LTBP1: variants seen among roughly 807,000 people sequenced by gnomAD.
LTBP1 encodes the protein latent-transforming growth factor beta-binding protein 1.
A neutral mutation model predicts 207.6 loss-of-function variants in LTBP1; 129 were observed. The ratio of observed to expected loss-of-function variants is 0.62; its 90% confidence interval spans 0.54 to 0.72. The LOEUF (loss-of-function observed/expected upper bound fraction) is 0.72. Among genes scored for constraint, LTBP1 ranks in the 30% least tolerant of loss-of-function variants. LTBP1 has a pLI of 0.00. For synonymous variants in LTBP1, 963 were observed against 833.7 expected (o/e 1.16, Z -2.67); for missense variants, 2,281 against 2,217.2 (o/e 1.03, Z -0.58).
At chr2:33,089,155 C>CAAAAAAAA (rs61009791) in intron 3 of LTBP1, among the ~76,000 whole-genome samples, 3 of 96,336 alleles carry the variant, frequency 3.1e-5, no homozygotes, top group African/African-American at 3.7e-5. Context: ...GACTCAGTCT[C>CAAAAAAAA]AAAAAAAAAA....
Position 33,188,847 on chromosome 2 carries a change from C to T in LTBP1, c.1697C>T (p.Ser566Leu). Residue 566 changes from serine to leucine, a missense_variant, in exon 7 of 34, where the codon TCA becomes TTA. Coordinates refer to ENST00000404816, the MANE Select transcript of LTBP1 (RefSeq NM_206943.4). ...CGGTGCTTCCAGGAAACCATTGGGT[C>T]ACAGGTAAACATCATCACCGAGCCT... ...LGRCFQETIG[S>L]QCGKALPGLS... is the part of the protein sequence containing the mutation. 1 of 1,613,876 alleles carries T rather than the reference C, an allele frequency of 6.2e-7. No individual in the cohort carries two copies. Among genetic ancestry groups the T allele is most frequent in the Non-Finnish European group, 8.5e-7 (1 of 1,179,864 alleles).
intron 3 of LTBP1, among the ~76,000 whole-genome samples, chr2:33,029,037 A>G (rs2075564420): frequency 1.3e-5 from 2 of 152,254 alleles, no homozygotes; most frequent in Admixed American, 6.5e-5. Flanking sequence ...AAACAGGGAC[A>G]TTCAGACAAA....
intron 2 of LTBP1, among the ~76,000 whole-genome samples, chr2:33,011,950 C>T (rs370053389): frequency 2.6e-5 from 4 of 152,074 alleles, no homozygotes; most frequent in Admixed American, 6.5e-5. Context: ...TTTCAGGTCT[C>T]CTGGTTAAAT....
chr2:33,071,498 C>G (rs2077785417), intron 3 of LTBP1, among the ~76,000 whole-genome samples: 2 of 152,150 alleles, frequency 1.3e-5, no homozygotes, highest in Non-Finnish European at 2.9e-5. Flanking sequence ...ATCTTAGAGG[C>G]TGCCTTGCAC....
chr2:33,394,237 C>T (rs1020023012), intron 32 of LTBP1, among the ~76,000 whole-genome samples: 6 of 152,106 alleles, frequency 3.9e-5, no homozygotes, highest in Non-Finnish European at 5.9e-5. Flanking sequence ...TTCTCCCATT[C>T]TGTAGGTTGC....
intron 3 of LTBP1, among the ~76,000 whole-genome samples, chr2:33,043,479 A>G (rs1191912289): frequency 6.6e-6 from 1 of 152,220 alleles, no homozygotes; most frequent in African/African-American, 2.4e-5. Flanking sequence ...AGAAGACAGT[A>G]GAGTGTAAGC....
chr2:33,304,229 A>G (rs573914529), intron 22 of LTBP1, among the ~76,000 whole-genome samples: 1 of 152,328 alleles, frequency 6.6e-6, no homozygotes, highest in African/African-American at 2.4e-5. Context: ...GGTTATAAAT[A>G]GGACTGGAGT....
At chr2:33,179,060 CTG>C (rs1354226245) in intron 5 of LTBP1, among the ~76,000 whole-genome samples, 1 of 51,312 alleles carries the variant, frequency 1.9e-5, no homozygotes, top group Non-Finnish European at 5.8e-5. Flanking sequence ...CTTTTATTTG[CTG>C]TTTTTAAAAA....
chr2:33,204,374 G>T lies in LTBP1; in HGVS notation c.1702-13178G>T, dbSNP rs966840463. ...TGTGAACAAGATTTGCCACCGTTGAGAATATTTAAAGTATGTCTCTAGCCT... is the reference window on the plus strand; with the variant it reads ...TGTGAACAAGATTTGCCACCGTTGATAATATTTAAAGTATGTCTCTAGCCT... On this transcript the variant is annotated intron_variant, in intron 7 of 33. Coordinates refer to ENST00000404816, the MANE Select transcript of LTBP1 (RefSeq NM_206943.4). Among the ~76,000 whole-genome samples the T allele has an allele frequency of 7.2e-5, 11 of 152,190 alleles. No individual in the cohort carries two copies. In the East Asian group the frequency reaches 2.1e-3, roughly 29 times the overall value.
chr2:33,062,878 G>A (rs2077336278), intron 3 of LTBP1, among the ~76,000 whole-genome samples: 1 of 152,206 alleles, frequency 6.6e-6, no homozygotes, highest in Non-Finnish European at 1.5e-5. Flanking sequence ...GTGGGACACA[G>A]CAGGACAGAT....
intron 3 of LTBP1, among the ~76,000 whole-genome samples, chr2:33,044,856 A>G (rs1354790787): frequency 6.6e-6 from 1 of 152,104 alleles, no homozygotes; most frequent in Non-Finnish European, 1.5e-5. Context: ...CATTTCTCTA[A>G]TGGCCAGTGA....
chr2:33,203,232 T>C (rs1431511724), intron 7 of LTBP1, among the ~76,000 whole-genome samples: 2 of 152,172 alleles, frequency 1.3e-5, no homozygotes, highest in African/African-American at 4.8e-5. Flanking sequence ...CTCTGCCAGA[T>C]TGACTTTCGC....
intron 3 of LTBP1, among the ~76,000 whole-genome samples, chr2:33,088,544 C>T (rs184604451): frequency 9.1e-4 from 139 of 152,224 alleles, no homozygotes; most frequent in African/African-American, 3.0e-3. Context: ...CACATGCTGA[C>T]GCCTGCATGT....
intron 3 of LTBP1, among the ~76,000 whole-genome samples, chr2:33,038,787 G>T (rs1222342110): frequency 1.3e-5 from 2 of 152,234 alleles, no homozygotes; most frequent in African/African-American, 4.8e-5. Context: ...GAAAGACTCA[G>T]ATGTTCTTTT....
intron 31 of LTBP1, among the ~76,000 whole-genome samples, chr2:33,385,240 C>T (rs2095255740): frequency 6.6e-6 from 1 of 152,202 alleles, no homozygotes; most frequent in South Asian, 2.1e-4. Flanking sequence ...TAGTTTCCCT[C>T]TACCTATTTA....
At chr2:33,096,864 A>G (rs949540627) in intron 3 of LTBP1, among the ~76,000 whole-genome samples, 1 of 152,178 alleles carries the variant, frequency 6.6e-6, no homozygotes, top group Non-Finnish European at 1.5e-5. Flanking sequence ...TAGGCAACGT[A>G]GTGAGACCCT....
chr2:32,986,924 T>C (rs1683685131), intron 2 of LTBP1, among the ~76,000 whole-genome samples: 1 of 152,208 alleles, frequency 6.6e-6, no homozygotes. Context: ...GATTGGGTCA[T>C]GTTCCCATCC....
rs569734292 is a variant in LTBP1 at position 33,393,234 on chromosome 2, CTTTTTTTTTTTTT to C, written c.4835-3886_4835-3874del. On this transcript the variant is annotated intron_variant, in intron 32 of 33. Transcript: ENST00000404816. ...TAGTGTCTGTTGTTTCCTTCTTCTT[CTTTTTTTTTTTTT>C]TTTTTTTTTTTTGTGGTATTTGGTT... 8.2e-5 allele frequency among the ~76,000 whole-genome samples: 4 copies of C among 48,772 alleles called. No homozygotes were observed. In the South Asian group the frequency reaches 3.5e-3, roughly 43 times the overall value. 32.0% of individuals were successfully genotyped at this position (48,772 alleles called of 152,430 possible).
At chr2:33,194,097 C>T (rs867820129) in intron 7 of LTBP1, among the ~76,000 whole-genome samples, 5 of 152,280 alleles carry the variant, frequency 3.3e-5, no homozygotes, top group Middle Eastern at 6.8e-3. Flanking sequence ...CGCCATTCTC[C>T]TGCCTCAGCC....
Sources: gnomAD v4.1 joint callset for allele counts (sites outside exome capture counted in the v4.1 genomes callset) on GRCh38, gnomAD v4.1.1 for gene constraint, MANE v1.5 for transcripts, NCBI Gene and HGNC (gene_info 2026-07-23, HGNC 2026-07-21) for gene names.